CRADD: variants seen among roughly 807,000 people sequenced by gnomAD.
The protein encoded by CRADD is CARD and death domain containing adaptor protein, also known as death domain-containing protein CRADD.
Under a neutral mutation model 15.5 loss-of-function variants are expected in CRADD, and 9 were observed. The ratio of observed to expected loss-of-function variants is 0.58; its 90% CI spans 0.35 to 1.01. The LOEUF (loss-of-function observed/expected upper bound fraction) is 1.01. Ranked by LOEUF, CRADD falls within the 50% of genes least tolerant of loss-of-function variation. The probability of loss-of-function intolerance (pLI) is 0.02; values close to 1 mark genes in which losing one functional copy is unlikely to be tolerated. For missense variants in CRADD, 227 were observed against 250.3 expected, an observed-to-expected ratio of 0.91 and a Z score of 0.63; for synonymous variants, 118 against 107.6, an observed-to-expected ratio of 1.10 and a Z score of -0.60.
intron 2 of CRADD, among the ~76,000 whole-genome samples, chr12:93,877,002 G>C (rs1182380826): frequency 2.0e-5 from 3 of 152,060 alleles, no homozygotes; most frequent in Middle Eastern, 3.4e-3. Context: ...TGGGTGTTGT[G>C]ATCTAAGCCA....
At chr12:93,833,583 C>T (rs549175978) in intron 2 of CRADD, among the ~76,000 whole-genome samples, 3 of 152,044 alleles carry the variant, frequency 2.0e-5, no homozygotes, top group African/African-American at 4.8e-5. Context: ...TGAACTCAAG[C>T]GACCCTCCCC....
chr12:93,753,420 C>T (rs1455344684), intron 2 of CRADD, among the ~76,000 whole-genome samples: 1 of 152,160 alleles, frequency 6.6e-6, no homozygotes, highest in Non-Finnish European at 1.5e-5. Context: ...TCCTGCCTTC[C>T]CAACAGTCCC....
intron 2 of CRADD, among the ~76,000 whole-genome samples, chr12:93,847,112 G>A (rs1425994231): frequency 1.3e-5 from 2 of 152,056 alleles, no homozygotes; most frequent in African/African-American, 4.8e-5. Context: ...CAGAAAAAAA[G>A]AAGGTTATGC....
At chr12:93,839,011 G>A (rs1220592840) in intron 2 of CRADD, among the ~76,000 whole-genome samples, 1 of 151,856 alleles carries the variant, frequency 6.6e-6, no homozygotes, top group Non-Finnish European at 1.5e-5. Flanking sequence ...GAGCTCAAAC[G>A]ATCCACCCGC....
intron 2 of CRADD, among the ~76,000 whole-genome samples, chr12:93,722,713 C>T (rs917940010): frequency 1.5e-4 from 23 of 152,162 alleles, no homozygotes; most frequent in African/African-American, 5.3e-4. Flanking sequence ...GTTACATTGC[C>T]TATGTGTCCT....
intron 2 of CRADD, among the ~76,000 whole-genome samples, chr12:93,805,917 G>A (rs941218040): frequency 2.6e-5 from 4 of 152,144 alleles, no homozygotes; most frequent in African/African-American, 9.7e-5. Flanking sequence ...GCTTGGCTGG[G>A]CAAAGTACAG....
intron 2 of CRADD, among the ~76,000 whole-genome samples, chr12:93,683,699 C>A (rs1005066253): frequency 6.6e-6 from 1 of 152,224 alleles, no homozygotes; most frequent in African/African-American, 2.4e-5. Context: ...CCACACCTGC[C>A]GCCCTCCTGA....
At chr12:93,846,661 C>T (rs975547525) in intron 2 of CRADD, 9 of 151,104 alleles carry the variant, frequency 6.0e-5, no homozygotes, top group Non-Finnish European at 1.2e-4. Context: ...GTGAGATAAT[C>T]CCAAGGAGGG....
intron 2 of CRADD, among the ~76,000 whole-genome samples, chr12:93,734,671 C>T (rs1160620416): frequency 1.5e-4 from 23 of 152,184 alleles, no homozygotes; most frequent in Non-Finnish European, 1.5e-5. Flanking sequence ...GCTTCCTTCC[C>T]AGCTCTGTCT....
chr12:93,810,323 C>T (rs897647956), intron 2 of CRADD, among the ~76,000 whole-genome samples: 4 of 151,714 alleles, frequency 2.6e-5, no homozygotes, highest in Non-Finnish European at 5.9e-5. Context: ...CCGAGGCGGG[C>T]GGATCACCTG....
rs544213221 is a variant in CRADD at position 93,751,242 on chromosome 12, T to C, written c.298+72170T>C. 3.7e-4 allele frequency among the ~76,000 whole-genome samples: 57 copies of C among 152,254 alleles called. 1 individual carries two copies. The South Asian group carries it at 0.012, about 31-fold the overall frequency. ...GCACAGATCACAAAAATCTCTCCAA[T>C]CACGTCAGGAAGTTCAGCCCTGGAT... On this transcript the variant is annotated intron_variant, in intron 2 of 2. Transcript: ENST00000332896.
At chr12:93,730,535 G>C (rs1956445290) in intron 2 of CRADD, among the ~76,000 whole-genome samples, 1 of 152,116 alleles carries the variant, frequency 6.6e-6, no homozygotes, top group African/African-American at 2.4e-5. Context: ...CTACTTCTAA[G>C]AATTTGTCTG....
intron 2 of CRADD, among the ~76,000 whole-genome samples, chr12:93,857,884 A>C (rs1593048778): frequency 6.6e-6 from 1 of 152,316 alleles, no homozygotes; most frequent in East Asian, 1.9e-4. Flanking sequence ...AGCACATTGG[A>C]GATAGTTGAT....
chr12:93,779,107 T>C (rs1264038653), intron 2 of CRADD, among the ~76,000 whole-genome samples: 2 of 152,192 alleles, frequency 1.3e-5, no homozygotes, highest in Non-Finnish European at 2.9e-5. Flanking sequence ...CAGCTAAATA[T>C]CAAAATCGCC....
chr12:93,756,245 C>T (rs1378883451), intron 2 of CRADD, among the ~76,000 whole-genome samples: 1 of 152,198 alleles, frequency 6.6e-6, no homozygotes, highest in Non-Finnish European at 1.5e-5. Flanking sequence ...ACCAATATAT[C>T]TGAAATGTGT....
chr12:93,738,462 C>A (rs1242982824), intron 2 of CRADD: 1 of 702,324 alleles, frequency 1.4e-6, no homozygotes, highest in South Asian at 1.5e-5. Flanking sequence ...GAAGTCTACC[C>A]AGAAGAGCTG....
At chr12:93,689,583 C>CT (rs1382143909) in intron 2 of CRADD, among the ~76,000 whole-genome samples, 1 of 152,086 alleles carries the variant, frequency 6.6e-6, no homozygotes, top group African/African-American at 2.4e-5. Flanking sequence ...ATGAAAGAAA[C>CT]TTTAACTCCT....
chr12:93,751,013 C>G (rs1273414531), intron 2 of CRADD, among the ~76,000 whole-genome samples: 1 of 152,186 alleles, frequency 6.6e-6, no homozygotes, highest in Non-Finnish European at 1.5e-5. Context: ...TCTCACTGAA[C>G]TGACCTGGTA....
chr12:93,771,010 G>T (rs1957080634), intron 2 of CRADD, among the ~76,000 whole-genome samples: 2 of 152,114 alleles, frequency 1.3e-5, no homozygotes, highest in African/African-American at 4.8e-5. Context: ...TTCATTGAAA[G>T]TTTTATGTTT....
Sources: gnomAD v4.1 joint callset for allele counts (sites outside exome capture counted in the v4.1 genomes callset) on GRCh38, gnomAD v4.1.1 for gene constraint, MANE v1.5 for transcripts, NCBI Gene and HGNC (gene_info 2026-07-23, HGNC 2026-07-21) for gene names.